Variants in TIA1 observed in about 807,000 individuals in gnomAD.
TIA1 encodes the protein cytotoxic granule associated RNA binding protein TIA1.
TIA1 carries 23 observed loss-of-function variants against 65.9 expected under a neutral mutation model. That is an observed-to-expected ratio of 0.35 (90% confidence interval 0.25 to 0.49). TIA1 has a LOEUF of 0.49. Among genes scored for constraint, TIA1 ranks in the 20% least tolerant of loss-of-function variants. The pLI is 0.98. For missense variants in TIA1, 371 were observed against 477.9 expected (o/e 0.78, Z 2.09); for synonymous variants, 147 against 149.4 (o/e 0.98, Z 0.12).
chr2:70,233,671 C>T (rs1299842545), intron 2 of TIA1, among the ~76,000 whole-genome samples: 2 of 151,636 alleles, frequency 1.3e-5, no homozygotes, highest in Non-Finnish European at 2.9e-5. Context: ...GAGGCTGAGG[C>T]AGGAGAATAG....
rs552780016 is a variant in TIA1, at chr2:70,234,780, TC to T, written c.123+1298del. ...TTTCGCCATGTTGGTCAGGCTAGTC[TC>T]GAACTCCTGACCTCATGATCTGCCT... On this transcript the variant is annotated intron_variant, in intron 2 of 12. Transcript: ENST00000433529. Among the ~76,000 whole-genome samples the T allele has an allele frequency of 1.3e-3, 204 of 152,170 alleles. 1 individual carries two copies. Among genetic ancestry groups the T allele is most frequent in the Non-Finnish European group, 2.1e-3 (142 of 67,994 alleles).
At chr2:70,244,213 T>G (rs1693181395) in intron 1 of TIA1, among the ~76,000 whole-genome samples, 1 of 152,180 alleles carries the variant, frequency 6.6e-6, no homozygotes, top group Non-Finnish European at 1.5e-5. Context: ...CTCATCTCCT[T>G]CACTTTTTTC....
chr2:70,236,288 T>C, intron 1 of TIA1, 113 bp from the exon 2 acceptor site: 1 of 627,106 alleles, frequency 1.6e-6, no homozygotes, highest in South Asian at 1.9e-5. Context: ...AACCTCCGCC[T>C]CCAGGGTTCA....
At chr2:70,228,298 T>A in intron 5 of TIA1, 1 of 1,266,522 alleles carries the variant, frequency 7.9e-7, no homozygotes, top group Non-Finnish European at 1.0e-6. Context: ...CTACATGATA[T>A]ATACTTGGTT....
chr2:70,225,450 G>C (rs1390103334), intron 6 of TIA1: 4 of 1,280,066 alleles, frequency 3.1e-6, no homozygotes, highest in Admixed American at 2.4e-5. Context: ...AGCCATGATA[G>C]CTAAAACTCC....
At chr2:70,228,282 A>C in intron 5 of TIA1, 1 of 1,211,850 alleles carries the variant, frequency 8.3e-7, no homozygotes, top group Non-Finnish European at 1.1e-6. Flanking sequence ...AATTTACTGA[A>C]GCTAGCTACA....
At position 70,232,540 on chromosome 2, in the gene TIA1, CAAAAAAAAAAAAAAAA is replaced by C. The variant is rs70956955; in HGVS notation, c.124-1702_124-1687del. Among the ~76,000 whole-genome samples, 43 of 40,268 alleles carry C rather than the reference CAAAAAAAAAAAAAAAA, an allele frequency of 1.1e-3. 1 individual carries two copies. In the South Asian group the frequency reaches 0.013, roughly 12 times the overall value. 26.4% of individuals were successfully genotyped at this position (40,268 alleles called of 152,430 possible). A position where few individuals can be genotyped will look rare whatever the true frequency, so the allele number is the denominator to read the frequency against. Reference sequence around the variant, plus strand: ...GGGCAACAAGAGTGAAACTCTGTCTCAAAAAAAAAAAAAAAAAAAAAAAAAAAAAAAAAATTATCTT... The same window carrying C: ...GGGCAACAAGAGTGAAACTCTGTCTCAAAAAAAAAAAAAAAAAATTATCTT... On this transcript the variant is annotated intron_variant, in intron 2 of 12. Coordinates refer to ENST00000433529, the MANE Select transcript of TIA1 (RefSeq NM_022173.4).
In TIA1 at chr2:70,247,173, C is replaced by T. The variant is rs768629510; in HGVS notation, c.26+1232G>A. 2.6e-5 allele frequency among the ~76,000 whole-genome samples: 4 copies of T among 152,042 alleles called. No individual in the cohort carries two copies. The East Asian group carries it at 7.7e-4, about 29-fold the overall frequency. The stretch of plus-strand genomic sequence containing the variant: ...AACAAAGGTCATGCACTAATTGCTA[C>T]GTCCTACTGAAAAGATACTTTCTGA... On this transcript the variant is annotated intron_variant, in intron 1 of 12. Coordinates refer to ENST00000433529, the MANE Select transcript of TIA1 (RefSeq NM_022173.4).
intron 1 of TIA1, among the ~76,000 whole-genome samples, chr2:70,239,047 G>A (rs1273051035): frequency 6.6e-6 from 1 of 152,076 alleles, no homozygotes; most frequent in Non-Finnish European, 1.5e-5. Context: ...TCCATCCCAG[G>A]TGACAGAGCA....
At chr2:70,218,899 T>C (rs747759329) in intron 7 of TIA1, among the ~76,000 whole-genome samples, 15 of 152,080 alleles carry the variant, frequency 9.9e-5, no homozygotes, top group Non-Finnish European at 2.1e-4. Context: ...GCCAAAATAA[T>C]GGGGGCTGGA....
At chr2:70,216,573 C>T in intron 8 of TIA1, 74 bp from the exon 9 acceptor site, 2 of 1,422,478 alleles carry the variant, frequency 1.4e-6, no homozygotes, top group Non-Finnish European at 2.0e-6. Context: ...GCATTCACTA[C>T]ACTACTGTAA....
chr2:70,218,071 T>A (rs1030635559), intron 7 of TIA1, among the ~76,000 whole-genome samples: 1 of 152,218 alleles, frequency 6.6e-6, no homozygotes, highest in East Asian at 1.9e-4. Flanking sequence ...TACATTCTTT[T>A]GTGGGGAACA....
intron 11 of TIA1, 57 bp downstream of exon 11, chr2:70,215,314 C>T: frequency 6.2e-7 from 1 of 1,604,476 alleles, no homozygotes; most frequent in Non-Finnish European, 8.5e-7. Flanking sequence ...ACAATCTTCA[C>T]CTTAAAATAA....
At chr2:70,232,609 C>G (rs1428463259) in intron 2 of TIA1, among the ~76,000 whole-genome samples, 1 of 148,692 alleles carries the variant, frequency 6.7e-6, no homozygotes, top group Non-Finnish European at 1.5e-5. Context: ...TAGCTCATGC[C>G]TGTAATCTCA....
chr2:70,237,762 C>T (rs1043437588), intron 1 of TIA1, among the ~76,000 whole-genome samples: 14 of 149,930 alleles, frequency 9.3e-5, no homozygotes, highest in South Asian at 4.2e-4. Flanking sequence ...TACTGGGGGA[C>T]GGCTGAGGCA....
intron 10 of TIA1, 122 bp from the exon 11 acceptor site, chr2:70,215,616 C>A: frequency 1.1e-6 from 1 of 900,904 alleles, no homozygotes; most frequent in Non-Finnish European, 1.6e-6. Context: ...GGCATATTTT[C>A]TTTGCTATTT....
intron 2 of TIA1, 149 bp downstream of exon 2, chr2:70,235,930 T>C (rs979971012): frequency 8.7e-6 from 4 of 460,272 alleles, no homozygotes; most frequent in African/African-American, 4.1e-5. Flanking sequence ...ACTTAGAATA[T>C]GGTAAACTAA....
intron 1 of TIA1, among the ~76,000 whole-genome samples, chr2:70,238,299 C>T (rs1180960977): frequency 2.2e-5 from 2 of 88,950 alleles, no homozygotes; most frequent in Admixed American, 1.9e-4. Context: ...TGGACAAAGT[C>T]TCTCTCTGTC....
intron 7 of TIA1, among the ~76,000 whole-genome samples, chr2:70,222,300 G>T (rs992750484): frequency 6.6e-6 from 1 of 152,192 alleles, no homozygotes; most frequent in East Asian, 1.9e-4. Context: ...TGAATTTTAT[G>T]TAAGTTTGGT....
Sources: gnomAD v4.1 joint callset for allele counts (sites outside exome capture counted in the v4.1 genomes callset) on GRCh38, gnomAD v4.1.1 for gene constraint, MANE v1.5 for transcripts, NCBI Gene and HGNC (gene_info 2026-07-23, HGNC 2026-07-21) for gene names.